Variants in TECRL observed in about 807,000 individuals in gnomAD.
The protein encoded by TECRL is trans-2,3-enoyl-CoA reductase like, also known as trans-2,3-enoyl-CoA reductase-like.
In TECRL, 63 loss-of-function variants were observed where a neutral mutation model predicts 52.8. The observed-to-expected ratio is 1.19, with a 90% CI of 0.97 to 1.47. The LOEUF (loss-of-function observed/expected upper bound fraction) is 1.47, where lower values mean the gene tolerates loss of function less well. Ranked by LOEUF, TECRL falls within the 40% of genes most tolerant of loss-of-function variation. The probability of loss-of-function intolerance (pLI) is 0.00; values close to 1 mark genes in which losing one functional copy is unlikely to be tolerated. For synonymous variants in TECRL, 164 were observed against 141.9 expected (o/e 1.16, Z -1.10); for missense variants, 482 against 429.6 (o/e 1.12, Z -1.08).
intron 2 of TECRL, among the ~76,000 whole-genome samples, chr4:64,348,007 C>T (rs1000574282): frequency 2.3e-4 from 35 of 152,308 alleles, no homozygotes; most frequent in Non-Finnish European, 4.4e-4. Flanking sequence ...TCAACTTCTA[C>T]TCACTACCCA....
intron 6 of TECRL, among the ~76,000 whole-genome samples, chr4:64,307,683 C>T (rs565093784): frequency 1.3e-5 from 2 of 152,256 alleles, no homozygotes; most frequent in South Asian, 4.1e-4. Context: ...TGGGCAAGCC[C>T]CAACATCACT....
intron 2 of TECRL, among the ~76,000 whole-genome samples, chr4:64,359,501 T>A (rs1721024420): frequency 1.1e-5 from 1 of 88,940 alleles, no homozygotes; most frequent in African/African-American, 3.5e-5. Flanking sequence ...ACCGTCTAGA[T>A]GCTTGATGAT....
At chr4:64,334,774 G>A (rs1718924150) in intron 2 of TECRL, among the ~76,000 whole-genome samples, 1 of 152,144 alleles carries the variant, frequency 6.6e-6, no homozygotes, top group African/African-American at 2.4e-5. Flanking sequence ...GCAACAAGCT[G>A]GTTGCCTGTG....
chr4:64,334,028 C>A (rs1718853339), intron 2 of TECRL, among the ~76,000 whole-genome samples: 2 of 3,228 alleles, frequency 6.2e-4, no homozygotes, highest in Non-Finnish European at 7.8e-3. Flanking sequence ...GAGACTCCGT[C>A]TCAAAAAAAA....
intron 1 of TECRL, among the ~76,000 whole-genome samples, chr4:64,377,803 TCA>T (rs1186586816): frequency 6.6e-6 from 1 of 152,126 alleles, no homozygotes; most frequent in African/African-American, 2.4e-5. Flanking sequence ...CTACAGTTTT[TCA>T]CAGAAACCTT....
At chr4:64,403,296 G>C (rs58274164) in intron 1 of TECRL, among the ~76,000 whole-genome samples, 1 of 151,436 alleles carries the variant, frequency 6.6e-6, no homozygotes, top group Non-Finnish European at 1.5e-5. Flanking sequence ...ACTCCCCTGA[G>C]TTCTTCACAG....
rs376135501 is a variant in TECRL at position 64,309,947 on chromosome 4, A to C, written c.552-16T>G. 6 of 1,506,172 alleles carry C rather than the reference A, an allele frequency of 4.0e-6. No homozygotes were observed. The highest frequency in any genetic ancestry group is 1.7e-4 in the Middle Eastern group (1 of 5,822). The allele number at this position is 1,506,172 out of a possible 1,614,324, so 93.3% of individuals were successfully genotyped here. Reference sequence around the variant, plus strand: ...GCAAGCCAAGCTGGAAAAAAAAATAAAACATAAACATGAAAATCCTTTTGA... The same window carrying C: ...GCAAGCCAAGCTGGAAAAAAAAATACAACATAAACATGAAAATCCTTTTGA... On this transcript the variant is annotated splice_polypyrimidine_tract_variant and intron_variant, in intron 5 of 11. Coordinates refer to ENST00000381210, the MANE Select transcript of TECRL (RefSeq NM_001010874.5).
At chr4:64,296,375 T>A (rs959593486) in intron 8 of TECRL, among the ~76,000 whole-genome samples, 3 of 151,596 alleles carry the variant, frequency 2.0e-5, no homozygotes, top group African/African-American at 7.3e-5. Context: ...AAAAGCATAT[T>A]TTTTTTTCTT....
chr4:64,284,869 A>G (rs1247898050), intron 9 of TECRL, among the ~76,000 whole-genome samples: 3 of 152,088 alleles, frequency 2.0e-5, no homozygotes, highest in Non-Finnish European at 4.4e-5. Context: ...TGGAACGTGA[A>G]TCAGTTCTAA....
chr4:64,403,576 A>G (rs1233669546), intron 1 of TECRL, among the ~76,000 whole-genome samples: 1 of 152,042 alleles, frequency 6.6e-6, no homozygotes, highest in East Asian at 1.9e-4. Flanking sequence ...TCTAGGACAC[A>G]CATAAATATA....
intron 3 of TECRL, among the ~76,000 whole-genome samples, chr4:64,327,444 T>G (rs1162001981): frequency 6.6e-6 from 1 of 152,120 alleles, no homozygotes; most frequent in African/African-American, 2.4e-5. Context: ...TGTGTAAGAG[T>G]CAATTTCATT....
At chr4:64,319,780 AT>A (rs1560496351) in intron 4 of TECRL, among the ~76,000 whole-genome samples, 1 of 151,942 alleles carries the variant, frequency 6.6e-6, no homozygotes, top group Non-Finnish European at 1.5e-5. Context: ...AAAGGAACCA[AT>A]TATTGATACA....
At chr4:64,311,412 G>A (rs1045886894) in intron 5 of TECRL, among the ~76,000 whole-genome samples, 5 of 152,164 alleles carry the variant, frequency 3.3e-5, no homozygotes, top group Non-Finnish European at 7.3e-5. Flanking sequence ...CCAGATACAA[G>A]AAGCTGCCTT....
intron 2 of TECRL, among the ~76,000 whole-genome samples, chr4:64,348,119 C>G (rs1720120985): frequency 1.3e-5 from 2 of 152,282 alleles, no homozygotes; most frequent in African/African-American, 4.8e-5. Context: ...CTATAAAACA[C>G]TACCCAAGAC....
chr4:64,392,872 G>C (rs1360428859), intron 1 of TECRL, among the ~76,000 whole-genome samples: 1 of 151,900 alleles, frequency 6.6e-6, no homozygotes. Flanking sequence ...TCCAGCTTCT[G>C]ATGTTTTTCT....
intron 4 of TECRL, among the ~76,000 whole-genome samples, chr4:64,316,599 G>C (rs1487999672): frequency 2.6e-5 from 4 of 152,034 alleles, no homozygotes; most frequent in Non-Finnish European, 5.9e-5. Flanking sequence ...TCTGAAAATG[G>C]AACTGGTCTT....
intron 1 of TECRL, among the ~76,000 whole-genome samples, chr4:64,396,546 T>C (rs1723968938): frequency 6.6e-6 from 1 of 152,288 alleles, no homozygotes; most frequent in African/African-American, 2.4e-5. Flanking sequence ...TTATAGATCT[T>C]GGATATTAGA....
chr4:64,356,041 T>C (rs957754260), intron 2 of TECRL, among the ~76,000 whole-genome samples: 4 of 152,194 alleles, frequency 2.6e-5, no homozygotes, highest in Admixed American at 6.5e-5. Flanking sequence ...ATGTGTTGTA[T>C]GGAATCAAGG....
chr4:64,398,765 T>C (rs187884348), intron 1 of TECRL, among the ~76,000 whole-genome samples: 1 of 152,202 alleles, frequency 6.6e-6, no homozygotes, highest in Non-Finnish European at 1.5e-5. Flanking sequence ...TGGAAGAGTT[T>C]CGAGAGTTCA....
Sources: allele counts gnomAD v4.1 joint callset (sites outside exome capture counted in the v4.1 genomes callset), GRCh38; gene constraint gnomAD v4.1.1; transcripts MANE v1.5; gene names NCBI Gene and HGNC (gene_info 2026-07-23, HGNC 2026-07-21).